STK25: variants seen among roughly 807,000 people sequenced by gnomAD.
STK25 encodes the protein serine/threonine kinase 25.
In STK25, 29 loss-of-function variants were observed where a neutral mutation model predicts 53.8. The observed-to-expected ratio is 0.54, with a 90% CI of 0.40 to 0.74. The LOEUF (loss-of-function observed/expected upper bound fraction) is 0.74. Among genes scored for constraint, STK25 ranks in the 30% least tolerant of loss-of-function variants. The pLI is 0.00. For missense variants in STK25, 420 were observed against 568.0 expected (o/e 0.74, Z 2.65); for synonymous variants, 247 against 238.3 (o/e 1.04, Z -0.33).
rs1158309041 is a variant in STK25 at position 241,501,612 on chromosome 2, T to C, written c.127A>G (p.Lys43Glu). ...ATGATCTTGATGGCCACCACCTCCT[T>C]TGTGTGGTTATCGATGCCCTTGTAG... is the stretch of plus-strand genomic sequence containing the variant. Reference protein sequence around the residue: ...EVYKGIDNHTKEVVAIKIIDL... With the variant: ...EVYKGIDNHTEEVVAIKIIDL... Residue 43 changes from lysine (K) to glutamate (E), a missense_variant, in exon 3 of 12, where the codon AAG becomes GAG. By Grantham distance (56) the Lys-to-Glu change is moderately conservative. Transcript: ENST00000316586. The surrounding 1 kb of genome is among the most constrained non-coding windows in gnomAD (Gnocchi z 5.3). The C allele has an allele frequency of 1.9e-6, 3 of 1,613,912 alleles. No individual in the cohort carries two copies. The highest frequency in any genetic ancestry group is 2.2e-5 in the East Asian group (1 of 44,884).
upstream of STK25, chr2:241,509,305 A>G (rs2066032036): frequency 6.6e-6 from 1 of 152,500 alleles, no homozygotes; most frequent in Non-Finnish European, 1.5e-5. Flanking sequence ...CGCCCAGGAC[A>G]GTGACTGCTG....
At chr2:241,500,011 G>A (rs1259815915) in intron 5 of STK25, 162 bp downstream of exon 5, 1 of 706,882 alleles carries the variant, frequency 1.4e-6, no homozygotes, top group South Asian at 1.5e-5. Context: ...GTATCTTCTG[G>A]AAAGGGAGCG....
intron 3 of STK25, 152 bp from the exon 4 acceptor site, chr2:241,500,948 G>T: frequency 1.5e-6 from 1 of 686,852 alleles, no homozygotes; most frequent in Non-Finnish European, 2.5e-6. Context: ...TCTCGGCCTT[G>T]CCCATCTTCC....
intron 1 of STK25, 60 bp from the exon 2 acceptor site, chr2:241,508,195 G>C: frequency 7.3e-7 from 1 of 1,361,034 alleles, no homozygotes; most frequent in South Asian, 1.8e-5. Context: ...CGACCTCCGG[G>C]GCGGCGGGCT....
chr2:241,495,461 G>A lies in STK25; in HGVS notation c.*201C>T. ...AGGAGGGCAGTGGGCATAGAGAACA[G>A]CGTCCCTGACGTGCACAACAGCACA... On this transcript the variant is annotated 3_prime_UTR_variant, in exon 12 of 12. Transcript: ENST00000316586. 1.7e-6 allele frequency: 1 copy of A among 595,458 alleles called. No individual in the cohort carries two copies. The highest frequency in any genetic ancestry group is 2.0e-5 in the South Asian group (1 of 49,604). 36.9% of individuals were successfully genotyped at this position (595,458 alleles called of 1,614,324 possible). A position where few individuals can be genotyped will look rare whatever the true frequency, so the allele number is the denominator to read the frequency against.
chr2:241,498,899 C>T (rs1195165858), intron 7 of STK25, 90 bp downstream of exon 7: 1 of 1,608,302 alleles, frequency 6.2e-7, no homozygotes, highest in Non-Finnish European at 8.5e-7. Flanking sequence ...GGCTGGTGGG[C>T]CTGGGCCTCC....
chr2:241,498,517 G>T (rs1574942320), intron 8 of STK25, 122 bp downstream of exon 8: 3 of 1,358,398 alleles, frequency 2.2e-6, no homozygotes, highest in Non-Finnish European at 1.0e-6. Context: ...GCCTTGAGGG[G>T]GTCCCTGCCC....
intron 10 of STK25, 85 bp downstream of exon 10, chr2:241,497,531 T>G: frequency 7.3e-7 from 1 of 1,369,480 alleles, no homozygotes; most frequent in Non-Finnish European, 1.0e-6. Context: ...CACCCCACAG[T>G]GCTGTGAGGG....
At chr2:241,504,570 G>C (rs2065708577) in intron 2 of STK25, among the ~76,000 whole-genome samples, 1 of 152,206 alleles carries the variant, frequency 6.6e-6, no homozygotes, top group Non-Finnish European at 1.5e-5. Flanking sequence ...CTGTCTCCGG[G>C]TTGAGGGTGG....
In STK25 at chr2:241,495,427, A is replaced by T. The variant is rs1010067607; in HGVS notation, c.*235T>A. 3.6e-6 allele frequency: 2 copies of T among 548,514 alleles called. No individual in the cohort carries two copies. The highest frequency in any genetic ancestry group is 3.3e-6 in the Non-Finnish European group (1 of 305,642). 34.0% of individuals were successfully genotyped at this position (548,514 alleles called of 1,614,324 possible). ...CCCCCGTGAGCAATACTGCTGGGCC[A>T]GGAGAGGGAGGAGGGCAGTGGGCAT... On this transcript the variant is annotated 3_prime_UTR_variant, in exon 12 of 12. Transcript: ENST00000316586.
rs528563989 is a variant in STK25, at chr2:241,493,930, C to G, written c.*1732G>C. The G allele has an allele frequency of 1.9e-5, 17 of 916,424 alleles. No individual in the cohort carries two copies. The South Asian group carries it at 4.3e-4, about 23-fold the overall frequency. The allele number at this position is 916,424 out of a possible 1,614,324, so 56.8% of individuals were successfully genotyped here. ...TTAACCCTTCTTTTGTCCTGCTTGT[C>G]CCATATCCTGGGTTGTTCTTGGGAC... On this transcript the variant is annotated 3_prime_UTR_variant, in exon 12 of 12. Coordinates refer to ENST00000316586, the MANE Select transcript of STK25 (RefSeq NM_001271977.2).
intron 10 of STK25, 86 bp downstream of exon 10, chr2:241,497,530 G>A (rs1173590343): frequency 7.3e-7 from 1 of 1,376,382 alleles, no homozygotes; most frequent in East Asian, 2.3e-5. Flanking sequence ...CCACCCCACA[G>A]TGCTGTGAGG....
chr2:241,507,548 C>T (rs2065910864), intron 2 of STK25, among the ~76,000 whole-genome samples: 4 of 152,252 alleles, frequency 2.6e-5, no homozygotes, highest in African/African-American at 7.2e-5. Flanking sequence ...TCTCCACAAT[C>T]TCAGCCCCTC....
In STK25 at chr2:241,500,817, A is replaced by G. The variant is rs768250104; in HGVS notation, c.262-21T>C. The G allele has an allele frequency of 6.8e-6, 11 of 1,612,714 alleles. No homozygotes were observed. The South Asian group carries it at 1.1e-4, about 16-fold the overall frequency. On this transcript the variant is annotated intron_variant, in intron 3 of 11. Transcript: ENST00000316586. ...GTGCTCTGGGACCGGAGACAAACCC[A>G]TCAGCATTTGGCAGCAAGAGGAAGG...
intron 2 of STK25, chr2:241,504,190 C>A: frequency 2.2e-6 from 1 of 462,580 alleles, no homozygotes; most frequent in Non-Finnish European, 4.5e-6. Flanking sequence ...TGCAGGTGGC[C>A]TCCATGCAGC....
chr2:241,493,046 TTTCACTGGAGC>T lies in STK25; in HGVS notation c.*2605_*2615del, dbSNP rs1316505533. 1.4e-6 allele frequency: 2 copies of T among 1,464,476 alleles called. No individual in the cohort carries two copies. Among genetic ancestry groups the T allele is most frequent in the Admixed American group, 3.3e-5 (2 of 59,778 alleles). The allele number at this position is 1,464,476 out of a possible 1,614,324, so 90.7% of individuals were successfully genotyped here. A position where few individuals can be genotyped will look rare whatever the true frequency, so the allele number is the denominator to read the frequency against. On this transcript the variant is annotated 3_prime_UTR_variant, in exon 12 of 12. Coordinates refer to ENST00000316586, the MANE Select transcript of STK25 (RefSeq NM_001271977.2). ...CTACAAAACTCATCAGGTACTGGAG[TTTCACTGGAGC>T]CCAATGCAGGTGATGCTAGCAGACA...
At chr2:241,503,646 G>C (rs1290648980) in intron 2 of STK25, among the ~76,000 whole-genome samples, 1 of 146,716 alleles carries the variant, frequency 6.8e-6, no homozygotes, top group Non-Finnish European at 1.5e-5. Context: ...CCAGGAGGCG[G>C]AGATCGTGCC....
In STK25 at chr2:241,494,075, C is replaced by T; in HGVS notation, c.*1587G>A. On this transcript the variant is annotated 3_prime_UTR_variant, in exon 12 of 12. Transcript: ENST00000316586. The surrounding 1 kb of genome is among the most constrained non-coding windows in gnomAD (Gnocchi z 4.9). ...GGCCCCAAGCATCGTGCAGGATGGC[C>T]CCCAACCCTCCTCAGGGCTGGAGGG... is the stretch of plus-strand genomic sequence containing the variant. 6.9e-7 allele frequency: 1 copy of T among 1,447,664 alleles called. No homozygotes were observed. Among genetic ancestry groups the T allele is most frequent in the Non-Finnish European group, 9.1e-7 (1 of 1,104,190 alleles). The allele number at this position is 1,447,664 out of a possible 1,614,324, so 89.7% of individuals were successfully genotyped here.
rs2065028962 is a variant in STK25, at chr2:241,493,899, A to C, written c.*1763T>G. ...GGCATGAGCCACCGCACCCGGCCCC[A>C]GGTTTTTAACCCTTCTTTTGTCCTG... On this transcript the variant is annotated 3_prime_UTR_variant, in exon 12 of 12. Coordinates refer to ENST00000316586, the MANE Select transcript of STK25 (RefSeq NM_001271977.2). 1 of 674,128 alleles carries C rather than the reference A, an allele frequency of 1.5e-6. No individual in the cohort carries two copies. Among genetic ancestry groups the C allele is most frequent in the Admixed American group, 2.9e-5 (1 of 34,492 alleles). The allele number at this position is 674,128 out of a possible 1,614,324, so 41.8% of individuals were successfully genotyped here.
Sources: gnomAD v4.1 joint callset for allele counts (sites outside exome capture counted in the v4.1 genomes callset) on GRCh38, gnomAD v4.1.1 for gene constraint, Gnocchi (gnomAD v3.1) non-coding constraint, MANE v1.5 for transcripts, NCBI Gene and HGNC (gene_info 2026-07-23, HGNC 2026-07-21) for gene names.